ZNF804B: variants seen among roughly 807,000 people sequenced by gnomAD.
The protein encoded by ZNF804B is zinc finger protein 804B, also known as zinc finger 804B.
Under a neutral mutation model 101.4 loss-of-function variants are expected in ZNF804B, and 80 were observed. The observed-to-expected ratio is 0.79, with a 90% confidence interval of 0.66 to 0.95. The LOEUF (loss-of-function observed/expected upper bound fraction) is 0.95, where lower values mean the gene tolerates loss of function less well. Among genes scored for constraint, ZNF804B ranks in the 40% least tolerant of loss-of-function variants. The pLI is 0.00. For missense variants in ZNF804B, 1,673 were observed against 1,561.9 expected (o/e 1.07, Z -1.20); for synonymous variants, 622 against 558.8 (o/e 1.11, Z -1.59).
intron 1 of ZNF804B, among the ~76,000 whole-genome samples, chr7:89,093,716 A>G (rs558022153): frequency 2.3e-4 from 35 of 152,376 alleles, no homozygotes; most frequent in Non-Finnish European, 4.7e-4. Flanking sequence ...ATTGAAGTCC[A>G]TGTGTCTGAA....
chr7:89,019,226 T>A (rs1449669211), intron 1 of ZNF804B, among the ~76,000 whole-genome samples: 1 of 152,092 alleles, frequency 6.6e-6, no homozygotes, highest in Admixed American at 6.6e-5. Flanking sequence ...TCCTTCTCAG[T>A]TTCTTCCTTA....
intron 1 of ZNF804B, among the ~76,000 whole-genome samples, chr7:88,853,236 G>T (rs956889174): frequency 6.6e-6 from 1 of 152,074 alleles, no homozygotes; most frequent in Non-Finnish European, 1.5e-5. Context: ...AACGTATTCT[G>T]GGACAAGCTT....
At chr7:89,229,440 C>T (rs537516701) in intron 2 of ZNF804B, among the ~76,000 whole-genome samples, 2 of 152,198 alleles carry the variant, frequency 1.3e-5, no homozygotes, top group South Asian at 4.1e-4. Context: ...CTGAGTTGAG[C>T]AAGAAGCAAA....
At chr7:89,234,707 C>A (rs1243293246) in intron 2 of ZNF804B, among the ~76,000 whole-genome samples, 2 of 152,148 alleles carry the variant, frequency 1.3e-5, no homozygotes. Flanking sequence ...AAGGAAACAC[C>A]TTTCTCCTCC....
At chr7:89,035,710 GC>G (rs766869693) in intron 1 of ZNF804B, among the ~76,000 whole-genome samples, 17 of 150,970 alleles carry the variant, frequency 1.1e-4, no homozygotes, top group Non-Finnish European at 1.8e-4. Flanking sequence ...AATGTAATGA[GC>G]CAAAAAAAAT....
intron 1 of ZNF804B, among the ~76,000 whole-genome samples, chr7:89,141,795 AT>A (rs551571836): frequency 1.2e-4 from 18 of 151,478 alleles, no homozygotes; most frequent in Non-Finnish European, 2.7e-4. Context: ...TTGTAAGTAT[AT>A]TTTTTTTCTA....
chr7:89,030,155 G>A (rs899632297), intron 1 of ZNF804B, among the ~76,000 whole-genome samples: 9 of 152,134 alleles, frequency 5.9e-5, no homozygotes, highest in African/African-American at 1.7e-4. Context: ...GCTGAAGAAA[G>A]TCTGGGTCCC....
intron 2 of ZNF804B, among the ~76,000 whole-genome samples, chr7:89,241,802 C>CTT (rs35802915): frequency 6.9e-6 from 1 of 144,294 alleles, no homozygotes; most frequent in Non-Finnish European, 1.5e-5. Flanking sequence ...TGAGAATAGT[C>CTT]TTTTTTTTTT....
chr7:89,031,653 T>A (rs2116231850), intron 1 of ZNF804B, among the ~76,000 whole-genome samples: 1 of 146,762 alleles, frequency 6.8e-6, no homozygotes, highest in African/African-American at 2.5e-5. Flanking sequence ...TTTAGGCTTC[T>A]GGTTTTTGTT....
rs972529121 is a variant in ZNF804B at position 89,215,348 on chromosome 7, A to G, written c.109-2807A>G. Among the ~76,000 whole-genome samples the G allele has an allele frequency of 1.1e-4, 17 of 152,346 alleles. No individual in the cohort carries two copies. In the East Asian group the frequency reaches 2.5e-3, roughly 22 times the overall value. ...ATGATACTTAAAGAACGTTTTAGAA[A>G]TATAGAATGTTTAGATGAAGGTAAA... On this transcript the variant is annotated intron_variant, in intron 1 of 3. Transcript: ENST00000333190.
intron 1 of ZNF804B, among the ~76,000 whole-genome samples, chr7:88,889,839 A>G (rs1355375406): frequency 6.6e-6 from 1 of 152,142 alleles, no homozygotes; most frequent in Non-Finnish European, 1.5e-5. Flanking sequence ...ACAGTCATAA[A>G]TTCTTTCCCA....
chr7:89,270,899 A>T (rs961621970), intron 2 of ZNF804B, among the ~76,000 whole-genome samples: 1 of 151,948 alleles, frequency 6.6e-6, no homozygotes, highest in Non-Finnish European at 1.5e-5. Flanking sequence ...ATGCTTGTGA[A>T]TTTTGTACAT....
chr7:89,092,413 T>TAA (rs1288761137), intron 1 of ZNF804B, among the ~76,000 whole-genome samples: 1 of 33,534 alleles, frequency 3.0e-5, no homozygotes, highest in Non-Finnish European at 7.2e-5. Context: ...TTTCTGTTTT[T>TAA]TTTTTTTTTT....
chr7:88,916,550 CTT>C (rs1352257909), intron 1 of ZNF804B, among the ~76,000 whole-genome samples: 1 of 152,102 alleles, frequency 6.6e-6, no homozygotes, highest in African/African-American at 2.4e-5. Flanking sequence ...ACAATTAAGA[CTT>C]AGACTCTATA....
chr7:88,935,054 C>CACACACAT (rs955783615), intron 1 of ZNF804B, among the ~76,000 whole-genome samples: 1 of 151,170 alleles, frequency 6.6e-6, no homozygotes, highest in Non-Finnish European at 1.5e-5. Context: ...TATATATACA[C>CACACACAT]ACACACATAC....
At chr7:89,084,518 A>G (rs1256788975) in intron 1 of ZNF804B, among the ~76,000 whole-genome samples, 2 of 151,976 alleles carry the variant, frequency 1.3e-5, no homozygotes, top group Non-Finnish European at 2.9e-5. Context: ...AAGTGTTTAC[A>G]GTGGTAAGCA....
intron 1 of ZNF804B, among the ~76,000 whole-genome samples, chr7:88,836,311 A>G (rs1791214059): frequency 6.6e-6 from 1 of 151,972 alleles, no homozygotes; most frequent in Admixed American, 6.6e-5. Flanking sequence ...ATAAGTGACT[A>G]GGTAACAACA....
chr7:88,862,370 A>G (rs908207083), intron 1 of ZNF804B, among the ~76,000 whole-genome samples: 6 of 152,134 alleles, frequency 3.9e-5, no homozygotes, highest in South Asian at 2.1e-4. Flanking sequence ...CAATAATTAC[A>G]TTGATTATAG....
intron 1 of ZNF804B, among the ~76,000 whole-genome samples, chr7:89,176,571 T>C (rs556506017): frequency 6.5e-4 from 81 of 123,732 alleles, no homozygotes; most frequent in Admixed American, 4.8e-3. Flanking sequence ...CTTTTCTTTT[T>C]TTTCTTTCTT....
Sources: gnomAD v4.1 joint callset for allele counts (sites outside exome capture counted in the v4.1 genomes callset) on GRCh38, gnomAD v4.1.1 for gene constraint, MANE v1.5 for transcripts, NCBI Gene and HGNC (gene_info 2026-07-23, HGNC 2026-07-21) for gene names.